Variants in CNTNAP2 observed in about 807,000 individuals in gnomAD.
The protein encoded by CNTNAP2 is contactin-associated protein-like 2.
Under a neutral mutation model 155.2 loss-of-function variants are expected in CNTNAP2, and 98 were observed. The observed-to-expected ratio is 0.63, with a 90% confidence interval of 0.54 to 0.75. CNTNAP2 has a LOEUF of 0.75. Ranked by LOEUF, CNTNAP2 falls within the 30% of genes least tolerant of loss-of-function variation. The pLI is 0.00. For missense variants in CNTNAP2, 1,727 were observed against 1,688.1 expected (o/e 1.02, Z -0.40); for synonymous variants, 651 against 631.2 (o/e 1.03, Z -0.47).
Position 146,805,988 on chromosome 7 carries a change from G to T in CNTNAP2, c.208+31607G>T, listed in dbSNP as rs903414612. 1.4e-4 allele frequency among the ~76,000 whole-genome samples: 21 copies of T among 152,014 alleles called. 1 individual carries two copies. The highest frequency in any genetic ancestry group is 3.1e-4 in the Non-Finnish European group (21 of 68,018). On this transcript the variant is annotated intron_variant, in intron 2 of 23. Coordinates refer to ENST00000361727, the MANE Select transcript of CNTNAP2 (RefSeq NM_014141.6). Reference sequence around the variant, plus strand: ...TTAAGTCAGGAATTAAGTCATTGTCGACACAAGATAGGTCAATCTCATTTA... The same window carrying T: ...TTAAGTCAGGAATTAAGTCATTGTCTACACAAGATAGGTCAATCTCATTTA...
At chr7:146,303,766 G>T (rs1366481665) in intron 1 of CNTNAP2, among the ~76,000 whole-genome samples, 1 of 152,150 alleles carries the variant, frequency 6.6e-6, no homozygotes, top group Non-Finnish European at 1.5e-5. Flanking sequence ...GAAGAGTTCT[G>T]TAAATGTCTA....
At chr7:146,790,509 G>T (rs541785676) in intron 2 of CNTNAP2, among the ~76,000 whole-genome samples, 2 of 151,974 alleles carry the variant, frequency 1.3e-5, no homozygotes, top group Non-Finnish European at 2.9e-5. Flanking sequence ...ATGTTTATTG[G>T]ATACGTCCAA....
intron 13 of CNTNAP2, among the ~76,000 whole-genome samples, chr7:147,648,487 G>A (rs545632711): frequency 6.6e-6 from 1 of 152,284 alleles, no homozygotes; most frequent in Admixed American, 6.5e-5. Context: ...TGCTGATAAA[G>A]ACATACCTGA....
At chr7:146,577,183 A>G (rs184910218) in intron 1 of CNTNAP2, among the ~76,000 whole-genome samples, 100 of 152,220 alleles carry the variant, frequency 6.6e-4, no homozygotes, top group African/African-American at 2.3e-3. Context: ...CTAGTTAAAA[A>G]CAGTATTTAG....
intron 12 of CNTNAP2, among the ~76,000 whole-genome samples, chr7:147,578,428 T>G (rs1800437068): frequency 6.6e-6 from 1 of 152,134 alleles, no homozygotes; most frequent in South Asian, 2.1e-4. Flanking sequence ...TGGTGCCGGT[T>G]CAATTTGTCT....
intron 13 of CNTNAP2, among the ~76,000 whole-genome samples, chr7:147,863,918 G>A (rs184282485): frequency 6.6e-6 from 1 of 152,296 alleles, no homozygotes; most frequent in Non-Finnish European, 1.5e-5. Context: ...CCATGCAGAA[G>A]CTCTTTGGTT....
chr7:146,898,774 A>G (rs1249746547), intron 3 of CNTNAP2, among the ~76,000 whole-genome samples: 1 of 152,078 alleles, frequency 6.6e-6, no homozygotes, highest in African/African-American at 2.4e-5. Flanking sequence ...CCGATTGAGT[A>G]CATGCAATGA....
chr7:146,935,155 G>C (rs1461257144), intron 3 of CNTNAP2, among the ~76,000 whole-genome samples: 1 of 152,102 alleles, frequency 6.6e-6, no homozygotes, highest in African/African-American at 2.4e-5. Flanking sequence ...GAAGAAGATG[G>C]CATCCTTGAT....
intron 1 of CNTNAP2, among the ~76,000 whole-genome samples, chr7:146,434,436 A>G (rs1629998): frequency 0.036 from 5,439 of 152,234 alleles, 346 homozygotes; most frequent in African/African-American, 0.12. Flanking sequence ...GCAGTCTGAA[A>G]CTTTCAAGCA....
intron 13 of CNTNAP2, among the ~76,000 whole-genome samples, chr7:147,800,995 G>T (rs1797973905): frequency 6.6e-6 from 1 of 152,182 alleles, no homozygotes; most frequent in East Asian, 1.9e-4. Flanking sequence ...TATGCTCTAT[G>T]ATGGTCATAC....
intron 13 of CNTNAP2, among the ~76,000 whole-genome samples, chr7:147,786,755 G>T (rs1797745918): frequency 6.6e-6 from 1 of 152,004 alleles, no homozygotes; most frequent in African/African-American, 2.4e-5. Flanking sequence ...ATCACTTGAG[G>T]CCAGGAGTTC....
At chr7:146,424,265 C>T (rs921188891) in intron 1 of CNTNAP2, among the ~76,000 whole-genome samples, 2 of 152,166 alleles carry the variant, frequency 1.3e-5, no homozygotes, top group Admixed American at 1.3e-4. Context: ...TTCACTAAAA[C>T]TCACAGGATT....
chr7:147,018,677 A>G (rs537238048), intron 3 of CNTNAP2, among the ~76,000 whole-genome samples: 50 of 152,190 alleles, frequency 3.3e-4, no homozygotes, highest in African/African-American at 9.9e-4. Context: ...GTCATATGCA[A>G]TTGCAACAAT....
Position 146,222,622 on chromosome 7 carries a change from A to T in CNTNAP2, c.97+105649A>T, listed in dbSNP as rs150132478. On this transcript the variant is annotated intron_variant, in intron 1 of 23. Coordinates refer to ENST00000361727, the MANE Select transcript of CNTNAP2 (RefSeq NM_014141.6). Reference sequence around the variant, plus strand: ...TATGTGCATGTGTATGCATACATGGATGTATAGAACATAGGGTAGGGGTGG... The same window carrying T: ...TATGTGCATGTGTATGCATACATGGTTGTATAGAACATAGGGTAGGGGTGG... Among the ~76,000 whole-genome samples the T allele has an allele frequency of 5.4e-4, 81 of 150,298 alleles. No homozygotes were observed. In the East Asian group the frequency reaches 0.015, roughly 28 times the overall value.
intron 4 of CNTNAP2, among the ~76,000 whole-genome samples, chr7:147,100,039 GAAATA>G (rs1800623146): frequency 1.3e-5 from 2 of 152,056 alleles, no homozygotes; most frequent in African/African-American, 2.4e-5. Context: ...ACCCTGCTTA[GAAATA>G]GATCACTCTG....
intron 13 of CNTNAP2, among the ~76,000 whole-genome samples, chr7:147,709,769 T>A (rs1157815024): frequency 1.3e-5 from 2 of 152,172 alleles, no homozygotes; most frequent in Non-Finnish European, 1.5e-5. Context: ...ACAGATTATA[T>A]TTTGGGATGA....
intron 1 of CNTNAP2, among the ~76,000 whole-genome samples, chr7:146,483,215 G>A (rs1443587981): frequency 7.0e-6 from 1 of 143,700 alleles, no homozygotes; most frequent in African/African-American, 2.5e-5. Flanking sequence ...GGCGGAACTT[G>A]CAGTGAGCCA....
chr7:146,264,090 T>C (rs753749045), intron 1 of CNTNAP2, among the ~76,000 whole-genome samples: 5 of 152,172 alleles, frequency 3.3e-5, no homozygotes, highest in Non-Finnish European at 7.3e-5. Flanking sequence ...GATTTCACTT[T>C]GGTAGATTCC....
intron 13 of CNTNAP2, among the ~76,000 whole-genome samples, chr7:147,703,889 C>A (rs1468561864): frequency 6.6e-6 from 1 of 152,154 alleles, no homozygotes; most frequent in Non-Finnish European, 1.5e-5. Context: ...CCTCTGGTAA[C>A]CATTATTCTA....
Sources: allele counts gnomAD v4.1 joint callset (sites outside exome capture counted in the v4.1 genomes callset), GRCh38; gene constraint gnomAD v4.1.1; transcripts MANE v1.5; gene names NCBI Gene and HGNC (gene_info 2026-07-23, HGNC 2026-07-21).